CELSR3: variants seen among roughly 807,000 people sequenced by gnomAD.
The protein encoded by CELSR3 is cadherin EGF LAG seven-pass G-type receptor 3.
A neutral mutation model predicts 270.0 loss-of-function variants in CELSR3; 73 were observed. That is an observed-to-expected ratio of 0.27 (90% CI 0.22 to 0.33). The LOEUF (loss-of-function observed/expected upper bound fraction) is 0.33. CELSR3 is among the 10% of genes least tolerant of loss of function. The pLI is 1.00. For synonymous variants in CELSR3, 1,780 were observed against 1,905.4 expected, an observed-to-expected ratio of 0.93 and a Z score of 1.71; for missense variants, 3,614 against 4,533.8, an observed-to-expected ratio of 0.80 and a Z score of 5.83.
chr3:48,655,626 A>C lies in CELSR3; in HGVS notation c.4741+110T>G. ...AAGGAGCTAGGTCTTCAGGGCTTGCATGGCGTGGAGTGTGTGCTCAGGTGC... is the reference window on the plus strand; with the variant it reads ...AAGGAGCTAGGTCTTCAGGGCTTGCCTGGCGTGGAGTGTGTGCTCAGGTGC... On this transcript the variant is annotated intron_variant, in intron 4 of 34. Transcript: ENST00000164024. The surrounding 1 kb of genome is among the most constrained non-coding windows in gnomAD (Gnocchi z 5.8). 9.9e-7 allele frequency: 1 copy of C among 1,006,182 alleles called. No individual in the cohort carries two copies. Among genetic ancestry groups the C allele is most frequent in the South Asian group, 1.4e-5 (1 of 73,938 alleles). 62.3% of individuals were successfully genotyped at this position (1,006,182 alleles called of 1,614,324 possible). A position where few individuals can be genotyped will look rare whatever the true frequency, so the allele number is the denominator to read the frequency against.
chr3:48,653,750 G>C lies in CELSR3; in HGVS notation c.5317C>G (p.Leu1773Val). 6.2e-7 allele frequency: 1 copy of C among 1,614,210 alleles called. No homozygotes were observed. ...HPHHFRGNGT[L>V]SWNFGSDMAV... The stretch of plus-strand genomic sequence containing the variant: ...ATGTCACTTCCAAAGTTCCAGCTCA[G>C]TGTGCCGTTGCCACGGAAATGGTGG... The change falls in exon 9 of 35, where the codon CTG becomes GTG. Residue 1773 changes from leucine (L) to valine (V), a missense_variant. Leu to Val is a conservative substitution (Grantham distance 32). Transcript: ENST00000164024. The surrounding 1 kb of genome is among the most constrained non-coding windows in gnomAD (Gnocchi z 6.5).
chr3:48,644,458 A>T lies in CELSR3; in HGVS notation c.8086-163T>A, dbSNP rs749728575. Among the ~76,000 whole-genome samples, 3 of 152,174 alleles carry T rather than the reference A, an allele frequency of 2.0e-5. No individual in the cohort carries two copies. Among genetic ancestry groups the T allele is most frequent in the Admixed American group, 6.5e-5 (1 of 15,278 alleles). On this transcript the variant is annotated intron_variant, in intron 26 of 34. Coordinates refer to ENST00000164024, the MANE Select transcript of CELSR3 (RefSeq NM_001407.3). The surrounding 1 kb of genome is among the most constrained non-coding windows in gnomAD (Gnocchi z 4.8). ...CAAAGGAGCTTAGCATCACAGAAAA[A>T]GAAATTGGGAACCAGAGAGGGACTG...
chr3:48,645,701 T>C lies in CELSR3; in HGVS notation c.7590+41A>G. On this transcript the variant is annotated intron_variant, in intron 23 of 34. Coordinates refer to ENST00000164024, the MANE Select transcript of CELSR3 (RefSeq NM_001407.3). The surrounding 1 kb of genome is among the most constrained non-coding windows in gnomAD (Gnocchi z 5.4). ...TTGTTGGGCAGAATCCCCGTGTCCC[T>C]TTGACCCCCCACTTCCTTGGGACAC... is the stretch of plus-strand genomic sequence containing the variant. 1.2e-6 allele frequency: 2 copies of C among 1,600,356 alleles called. No individual in the cohort carries two copies. The highest frequency in any genetic ancestry group is 1.7e-6 in the Non-Finnish European group (2 of 1,170,006).
In CELSR3 at chr3:48,657,081, C is replaced by A. The variant is rs1433128693; in HGVS notation, c.4016G>T (p.Gly1339Val). 1.9e-6 allele frequency: 3 copies of A among 1,613,760 alleles called. No homozygotes were observed. The highest frequency in any genetic ancestry group is 2.5e-6 in the Non-Finnish European group (3 of 1,179,954). The change falls in exon 2 of 35, where the codon GGG (glycine) becomes GTG (valine). Residue 1339 changes from glycine to valine, a missense_variant. By Grantham distance (109) the Gly-to-Val change is moderately radical. Around this residue, in one of 7 missense-constraint regions of CELSR3, gnomAD observed 1,331 missense variants for 1,933.7 expected, o/e 0.69. Transcript: ENST00000164024. This position sits in a 1 kb window ranked among gnomAD's most constrained non-coding sequence, Gnocchi z 5.4. ...GAACCAGGGCCCTGCAGCGCCCGCC[C>A]CGGCCCCACGTGGAGCTAGCGCCGA... The part of the protein sequence containing the change: ...SFSALAPRGA[G>V]AGAAGPWFSS...
At position 48,650,026 on chromosome 3, in the gene CELSR3, TG is replaced by T. The variant is rs1171991609; in HGVS notation, c.6472+453del. 1.3e-5 allele frequency among the ~76,000 whole-genome samples: 2 copies of T among 148,556 alleles called. No homozygotes were observed. The highest frequency in any genetic ancestry group is 3.0e-5 in the Non-Finnish European group (2 of 67,362). On this transcript the variant is annotated intron_variant, in intron 16 of 34. Coordinates refer to ENST00000164024, the MANE Select transcript of CELSR3 (RefSeq NM_001407.3). This position sits in a 1 kb window ranked among gnomAD's most constrained non-coding sequence, Gnocchi z 5.1. ...AGGGATCTTTCGTGACCTCAGGCAG[TG>T]GGGAAAGTTCTATGGGGACCCCAGG...
In CELSR3 at chr3:48,642,346, C is replaced by A. The variant is rs377735175; in HGVS notation, c.8665+12G>T. 3.7e-6 allele frequency: 6 copies of A among 1,610,528 alleles called. No individual in the cohort carries two copies. In the African/African-American group the frequency reaches 8.0e-5, roughly 22 times the overall value. On this transcript the variant is annotated intron_variant, in intron 31 of 34. Coordinates refer to ENST00000164024, the MANE Select transcript of CELSR3 (RefSeq NM_001407.3). The surrounding 1 kb of genome is among the most constrained non-coding windows in gnomAD (Gnocchi z 6.1). Reference sequence around the variant, plus strand: ...CTGCCTCCCTCCTCCCTGCCCCAGGCCCCAACTCCACCAGCATCTCGATGG... The same window carrying A: ...CTGCCTCCCTCCTCCCTGCCCCAGGACCCAACTCCACCAGCATCTCGATGG...
rs866799319 is a variant in CELSR3 at position 48,657,151 on chromosome 3, G to T, written c.3946C>A (p.Gln1316Lys). 6.2e-7 allele frequency: 1 copy of T among 1,614,058 alleles called. No homozygotes were observed. Among genetic ancestry groups the T allele is most frequent in the African/African-American group, 1.3e-5 (1 of 75,044 alleles). Residue 1316 changes from glutamine (Q) to lysine (K), a missense_variant, in exon 2 of 35, where the codon CAG becomes AAG. Physicochemically the swap from Gln to Lys is moderately conservative, Grantham distance 53 (BLOSUM62 1). Transcript: ENST00000164024. The surrounding 1 kb of genome is among the most constrained non-coding windows in gnomAD (Gnocchi z 5.4). ...PAEDVFIFNI[Q>K]NDTDVGGTVL... ...GTGCCCCCTACGTCTGTGTCGTTCT[G>T]GATGTTGAAGATGAAGACGTCCTCA...
chr3:48,652,463 G>A lies in CELSR3; in HGVS notation c.5725C>T (p.Pro1909Ser), dbSNP rs1559479677. 6.2e-7 allele frequency: 1 copy of A among 1,613,842 alleles called. No homozygotes were observed. Among genetic ancestry groups the A allele is most frequent in the Non-Finnish European group, 8.5e-7 (1 of 1,179,962 alleles). ...GLPPGSAEEA[P>S]QGLVGCIQGV... ...TGGATGCAGCCAACCAGACCCTGAG[G>A]AGCCTCCTCTGCACTGCCGGGGGGC... Residue 1909 changes from proline (P) to serine (S), a missense_variant, in exon 11 of 35, where the codon CCT becomes TCT. Pro to Ser is a moderately conservative substitution (Grantham distance 74, BLOSUM62 -1). Transcript: ENST00000164024. This position sits in a 1 kb window ranked among gnomAD's most constrained non-coding sequence, Gnocchi z 4.3.
rs1379607101 is a variant in CELSR3, at chr3:48,661,308, G to A, written c.1327C>T (p.Arg443Cys). The A allele has an allele frequency of 6.2e-7, 1 of 1,613,418 alleles. No homozygotes were observed. The highest frequency in any genetic ancestry group is 8.5e-7 in the Non-Finnish European group (1 of 1,179,844). ...FEQAQYRETL[R>C]ENVEEGYPIL... ...GGGTAGCCCTCCTCCACATTCTCGCGAAGGGTCTCCCGGTACTGCGCTTGC... is the reference window on the plus strand; with the variant it reads ...GGGTAGCCCTCCTCCACATTCTCGCAAAGGGTCTCCCGGTACTGCGCTTGC... Residue 443 changes from arginine (R) to cysteine (C), a missense_variant, in exon 1 of 35, where the codon CGC (arginine) becomes TGC (cysteine). Arg to Cys is a radical substitution (Grantham distance 180). Transcript: ENST00000164024.
chr3:48,650,433 A>AGGG lies in CELSR3; in HGVS notation c.6472+46_6472+47insCCC. On this transcript the variant is annotated intron_variant, in intron 16 of 34. Coordinates refer to ENST00000164024, the MANE Select transcript of CELSR3 (RefSeq NM_001407.3). The surrounding 1 kb of genome is among the most constrained non-coding windows in gnomAD (Gnocchi z 5.1). The stretch of plus-strand genomic sequence containing the variant: ...GACATGGCTCTAGCAGTCAGAGTAC[A>AGGG]GGCCCACCCCCACCCTCAGTGATGT... The AGGG allele has an allele frequency of 1.8e-5, 17 of 927,774 alleles. No homozygotes were observed. The highest frequency in any genetic ancestry group is 6.4e-5 in the East Asian group (2 of 31,404). The allele number at this position is 927,774 out of a possible 1,614,324, so 57.5% of individuals were successfully genotyped here.
rs372629543 is a variant in CELSR3 at position 48,638,518 on chromosome 3, T to C, written c.9912-286A>G. The stretch of plus-strand genomic sequence containing the variant: ...TGAGCACTTGACAGATATTATCTCA[T>C]AGATTTCCACATCTCAAAGAGTTTG... On this transcript the variant is annotated intron_variant, in intron 34 of 34. Transcript: ENST00000164024. Among the ~76,000 whole-genome samples, 19 of 152,288 alleles carry C rather than the reference T, an allele frequency of 1.2e-4. No individual in the cohort carries two copies. The South Asian group carries it at 3.7e-3, about 30-fold the overall frequency.
Position 48,642,548 on chromosome 3 carries a change from G to T in CELSR3, c.8556-81C>A. ...AGGCTGGAGTGTCTTTGAGTGCACA[G>T]CCAGCTGCGGGTGGAATGGCATCCC... On this transcript the variant is annotated intron_variant, in intron 30 of 34. Transcript: ENST00000164024. The surrounding 1 kb of genome is among the most constrained non-coding windows in gnomAD (Gnocchi z 6.1). 6.8e-7 allele frequency: 1 copy of T among 1,477,430 alleles called. No individual in the cohort carries two copies. 91.5% of individuals were successfully genotyped at this position (1,477,430 alleles called of 1,614,324 possible).
At position 48,660,076 on chromosome 3, in the gene CELSR3, A is replaced by T. The variant is rs114596207; in HGVS notation, c.2559T>A (p.Thr853=). 4.3e-5 allele frequency: 69 copies of T among 1,614,090 alleles called. No individual in the cohort carries two copies. The African/African-American group carries it at 7.7e-4, about 18-fold the overall frequency. The change falls in exon 1 of 35, where the codon ACT becomes ACA. Residue 853 remains threonine (T), a synonymous_variant. Coordinates refer to ENST00000164024, the MANE Select transcript of CELSR3 (RefSeq NM_001407.3). This position sits in a 1 kb window ranked among gnomAD's most constrained non-coding sequence, Gnocchi z 5.5. The part of the protein sequence containing the change: ...YVHINITDAN[T]HRPVFQSAHY... Reference sequence around the variant, plus strand: ...GGGCACTTTGAAAGACCGGCCGATGAGTGTTGGCATCTGTGATGTTGATGT... The same window carrying T: ...GGGCACTTTGAAAGACCGGCCGATGTGTGTTGGCATCTGTGATGTTGATGT...
chr3:48,654,646 C>T lies in CELSR3; in HGVS notation c.4989-194G>A, dbSNP rs777612046. 6.6e-6 allele frequency among the ~76,000 whole-genome samples: 1 copy of T among 151,236 alleles called. No homozygotes were observed. Among genetic ancestry groups the T allele is most frequent in the African/African-American group, 2.5e-5 (1 of 40,646 alleles). On this transcript the variant is annotated intron_variant, in intron 6 of 34. Coordinates refer to ENST00000164024, the MANE Select transcript of CELSR3 (RefSeq NM_001407.3). The surrounding 1 kb of genome is among the most constrained non-coding windows in gnomAD (Gnocchi z 5.4). ...GGGGCACCCGTGATGGGCCGATGGTCTGGGGAAAGGTAGGTGAATGGGGGT... is the reference window on the plus strand; with the variant it reads ...GGGGCACCCGTGATGGGCCGATGGTTTGGGGAAAGGTAGGTGAATGGGGGT...
At position 48,642,389 on chromosome 3, in the gene CELSR3, G is replaced by T. The variant is rs1575538352; in HGVS notation, c.8634C>A (p.Asp2878Glu). Residue 2878 changes from aspartate (D) to glutamate (E), a missense_variant, in exon 31 of 35, where the codon GAC (aspartate) becomes GAA (glutamate). Asp to Glu is a conservative substitution (Grantham distance 45, BLOSUM62 2). Around this residue, in one of 7 missense-constraint regions of CELSR3, gnomAD observed 1,240 missense variants for 1,351.7 expected, o/e 0.92. Coordinates refer to ENST00000164024, the MANE Select transcript of CELSR3 (RefSeq NM_001407.3). The surrounding 1 kb of genome is among the most constrained non-coding windows in gnomAD (Gnocchi z 6.1). Reference protein sequence around the residue: ...HSLQAHAGPTDLDVAMFHRDA... With the variant: ...HSLQAHAGPTELDVAMFHRDA... ...CTCGATGGAACATGGCCACGTCCAG[G>T]TCAGTGGGGCCAGCATGAGCCTGGA... is the stretch of plus-strand genomic sequence containing the variant. 1 of 1,613,166 alleles carries T rather than the reference G, an allele frequency of 6.2e-7. No individual in the cohort carries two copies. The highest frequency in any genetic ancestry group is 2.2e-5 in the East Asian group (1 of 44,894).
Position 48,644,390 on chromosome 3 carries a change from G to C in CELSR3, c.8086-95C>G, listed in dbSNP as rs1326204411. On this transcript the variant is annotated intron_variant, in intron 26 of 34. Coordinates refer to ENST00000164024, the MANE Select transcript of CELSR3 (RefSeq NM_001407.3). The surrounding 1 kb of genome is among the most constrained non-coding windows in gnomAD (Gnocchi z 4.8). ...ACAGAGAGAGACTAAGATTCACGGA[G>C]AGAGGCAGAACCAGTGAGAAATTCA... is the stretch of plus-strand genomic sequence containing the variant. 2.5e-6 allele frequency: 3 copies of C among 1,194,306 alleles called. No individual in the cohort carries two copies. The highest frequency in any genetic ancestry group is 3.0e-5 in the African/African-American group (2 of 66,766). 74.0% of individuals were successfully genotyped at this position (1,194,306 alleles called of 1,614,324 possible).
In CELSR3 at chr3:48,658,611, A is replaced by C. The variant is rs1206318201; in HGVS notation, c.3748+276T>G. ...ACCCCAGGACCTCTGACCTTTTATC[A>C]GGAGGGGAGATATCCCTAGGTAGCA... On this transcript the variant is annotated intron_variant, in intron 1 of 34. Coordinates refer to ENST00000164024, the MANE Select transcript of CELSR3 (RefSeq NM_001407.3). This position sits in a 1 kb window ranked among gnomAD's most constrained non-coding sequence, Gnocchi z 4.7. Among the ~76,000 whole-genome samples the C allele has an allele frequency of 6.6e-6, 1 of 152,192 alleles. No homozygotes were observed. Among genetic ancestry groups the C allele is most frequent in the African/African-American group, 2.4e-5 (1 of 41,444 alleles).
chr3:48,659,466 C>T lies in CELSR3; in HGVS notation c.3169G>A (p.Val1057Met), dbSNP rs371910872. Residue 1057 changes from valine (V) to methionine (M), a missense_variant, in exon 1 of 35, where the codon GTG (valine) becomes ATG (methionine). By Grantham distance (21) the Val-to-Met change is conservative. Transcript: ENST00000164024. This position sits in a 1 kb window ranked among gnomAD's most constrained non-coding sequence, Gnocchi z 8.1. Reference sequence around the variant, plus strand: ...GGTGCATTGTCGTTCACATCCTGCACCATCACCTGGATACTGACTGGAGTC... The same window carrying T: ...GGTGCATTGTCGTTCACATCCTGCATCATCACCTGGATACTGACTGGAGTC... ...LRTPVSIQVM[V>M]QDVNDNAPVF... 3.1e-6 allele frequency: 5 copies of T among 1,614,234 alleles called. No homozygotes were observed. The highest frequency in any genetic ancestry group is 2.2e-5 in the East Asian group (1 of 44,892).
rs1429027720 is a variant in CELSR3, at chr3:48,661,757, G to C, written c.878C>G (p.Pro293Arg). 3 of 1,586,308 alleles carry C rather than the reference G, an allele frequency of 1.9e-6. No individual in the cohort carries two copies. The highest frequency in any genetic ancestry group is 2.6e-6 in the Non-Finnish European group (3 of 1,168,446). Residue 293 changes from proline to arginine, a missense_variant, in exon 1 of 35, where the codon CCG becomes CGG. Pro to Arg is a moderately radical substitution (Grantham distance 103). Transcript: ENST00000164024. ...RCRFLPQRPG[P>R]RPPGLPARPE... ...ACGGGCCGGGAGTCCCGGGGGACGC[G>C]GCCCGGGGCGCTGCGGGAGGAAGCG...
Sources: gnomAD v4.1 joint callset for allele counts (sites outside exome capture counted in the v4.1 genomes callset) on GRCh38, gnomAD v4.1.1 for gene constraint, gnomAD v4.1.1 regional missense constraint, Gnocchi (gnomAD v3.1) non-coding constraint, MANE v1.5 for transcripts, NCBI Gene and HGNC (gene_info 2026-07-23, HGNC 2026-07-21) for gene names.